The following SORCS3 variants were observed in gnomAD, a reference collection of about 807,000 sequenced individuals.
SORCS3 encodes the protein sortilin related VPS10 domain containing receptor 3.
SORCS3 carries 57 observed loss-of-function variants against 146.3 expected under a neutral mutation model. The ratio of observed to expected loss-of-function variants is 0.39; its 90% confidence interval spans 0.31 to 0.49. SORCS3 has a LOEUF of 0.49. SORCS3 is among the 20% of genes least tolerant of loss of function. The pLI, the probability that SORCS3 is intolerant of heterozygous loss-of-function variation, is 0.92. For synonymous variants in SORCS3, 653 were observed against 618.5 expected (o/e 1.06, Z -0.83); for missense variants, 1,341 against 1,575.5 (o/e 0.85, Z 2.52).
chr10:105,004,083 G>A lies in SORCS3; in HGVS notation c.954+26590G>A, dbSNP rs546414123. On this transcript the variant is annotated intron_variant, in intron 4 of 26. Transcript: ENST00000369701. The stretch of plus-strand genomic sequence containing the variant: ...TTCTCAGGTGTGATAAAAGTTCTCT[G>A]AGTTTTTGTTCCATTGATTTTTATG... Among the ~76,000 whole-genome samples the A allele has an allele frequency of 2.2e-4, 32 of 148,778 alleles. No individual in the cohort carries two copies. In the South Asian group the frequency reaches 5.5e-3, roughly 25 times the overall value.
chr10:104,831,575 A>G (rs2018001345), intron 1 of SORCS3, among the ~76,000 whole-genome samples: 1 of 152,216 alleles, frequency 6.6e-6, no homozygotes, highest in Admixed American at 6.5e-5. Context: ...TCCTCATGAC[A>G]GACAGCAAGA....
chr10:104,786,113 T>C lies in SORCS3; in HGVS notation c.628-56679T>C, dbSNP rs571622177. ...GGAGATTCACAACACAATGAATTAC[T>C]ACTTTCTTGTGTTTTGGCTCATTCA... On this transcript the variant is annotated intron_variant, in intron 1 of 26. Transcript: ENST00000369701. Among the ~76,000 whole-genome samples the C allele has an allele frequency of 1.8e-4, 27 of 152,354 alleles. No homozygotes were observed. The South Asian group carries it at 5.0e-3, about 28-fold the overall frequency.
At chr10:104,989,712 T>G (rs918019502) in intron 4 of SORCS3, among the ~76,000 whole-genome samples, 1 of 152,112 alleles carries the variant, frequency 6.6e-6, no homozygotes, top group Admixed American at 6.5e-5. Flanking sequence ...AGATGGGGAC[T>G]CCACAGAAGT....
chr10:105,242,496 ATATATTTAT>A (rs1277476548), intron 20 of SORCS3, among the ~76,000 whole-genome samples: 5 of 106,138 alleles, frequency 4.7e-5, no homozygotes, highest in African/African-American at 2.0e-4. Context: ...ATATATTTAT[ATATATTTAT>A]ATATATTTAT....
chr10:105,113,350 C>T (rs962731994), intron 7 of SORCS3, among the ~76,000 whole-genome samples: 2 of 152,120 alleles, frequency 1.3e-5, no homozygotes, highest in African/African-American at 4.8e-5. Context: ...AGATTATATA[C>T]AAATGTACAG....
At chr10:104,741,128 A>C (rs1321525131) in intron 1 of SORCS3, among the ~76,000 whole-genome samples, 1 of 133,680 alleles carries the variant, frequency 7.5e-6, no homozygotes, top group African/African-American at 2.8e-5. Flanking sequence ...CACCTGGATA[A>C]TTTAAATTTT....
chr10:105,243,909 C>G (rs2056851160), intron 20 of SORCS3, among the ~76,000 whole-genome samples: 1 of 152,210 alleles, frequency 6.6e-6, no homozygotes, highest in Admixed American at 6.5e-5. Context: ...CTGGGAGCCT[C>G]TGCAGGGTTT....
chr10:104,905,963 T>G (rs1268855387), intron 2 of SORCS3, among the ~76,000 whole-genome samples: 1 of 152,018 alleles, frequency 6.6e-6, no homozygotes, highest in African/African-American at 2.4e-5. Flanking sequence ...TAAAGATGAG[T>G]GGGACACAGA....
chr10:104,942,001 T>C (rs1360398109), intron 3 of SORCS3, among the ~76,000 whole-genome samples: 1 of 152,232 alleles, frequency 6.6e-6, no homozygotes, highest in East Asian at 1.9e-4. Context: ...TCCTGTGTAT[T>C]AAATTCTCAA....
chr10:104,849,518 A>G (rs2018247604), intron 2 of SORCS3, among the ~76,000 whole-genome samples: 1 of 151,834 alleles, frequency 6.6e-6, no homozygotes. Flanking sequence ...ATAGTGTTTA[A>G]AGGGGGTAGG....
intron 19 of SORCS3, among the ~76,000 whole-genome samples, chr10:105,219,555 C>G (rs1389315845): frequency 6.6e-6 from 1 of 152,198 alleles, no homozygotes; most frequent in Non-Finnish European, 1.5e-5. Context: ...AGATACCAGC[C>G]TGGGGCCAAC....
chr10:104,852,899 G>C (rs1339954084), intron 2 of SORCS3, among the ~76,000 whole-genome samples: 2 of 152,202 alleles, frequency 1.3e-5, no homozygotes, highest in South Asian at 4.1e-4. Flanking sequence ...TTCCACAAGA[G>C]AGTGGTCATG....
At chr10:104,955,073 G>T (rs932265881) in intron 3 of SORCS3, among the ~76,000 whole-genome samples, 65 of 152,038 alleles carry the variant, frequency 4.3e-4, no homozygotes, top group African/African-American at 1.4e-3. Context: ...CAATTTAGTG[G>T]CATTTAGTAC....
intron 2 of SORCS3, among the ~76,000 whole-genome samples, chr10:104,886,517 A>T (rs1485830874): frequency 6.6e-6 from 1 of 152,020 alleles, no homozygotes; most frequent in Admixed American, 6.6e-5. Flanking sequence ...TACATTACGT[A>T]AAATATATAC....
At chr10:105,091,396 C>T (rs867025239) in intron 6 of SORCS3, among the ~76,000 whole-genome samples, 6 of 36,686 alleles carry the variant, frequency 1.6e-4, no homozygotes, top group African/African-American at 3.6e-4. Flanking sequence ...CCTTCCTTCC[C>T]TCCTTCCTTC....
chr10:104,752,095 T>G (rs2016995190), intron 1 of SORCS3, among the ~76,000 whole-genome samples: 1 of 150,724 alleles, frequency 6.6e-6, no homozygotes, highest in Non-Finnish European at 1.5e-5. Flanking sequence ...GGTGCAGTGG[T>G]GCGATCTCAG....
chr10:105,245,559 C>G lies in SORCS3; in HGVS notation c.2886C>G (p.Asp962Glu), dbSNP rs1384533225. Reference sequence around the variant, plus strand: ...TCTTGTAGCCTCTCATCACTTTGGACAGCAGCATTTCCTTCACATTCCTTG... The same window carrying G: ...TCTTGTAGCCTCTCATCACTTTGGAGAGCAGCATTTCCTTCACATTCCTTG... ...GNSTKPLITL[D>E]SSISFTFLAE... Residue 962 changes from aspartate to glutamate, a missense_variant, in exon 21 of 27, where the codon GAC (aspartate) becomes GAG (glutamate). Transcript: ENST00000369701. 9 of 1,614,164 alleles carry G rather than the reference C, an allele frequency of 5.6e-6. No homozygotes were observed. In the East Asian group the frequency reaches 1.6e-4, roughly 28 times the overall value.
intron 1 of SORCS3, among the ~76,000 whole-genome samples, chr10:104,749,776 A>C: frequency 6.6e-6 from 1 of 152,168 alleles, no homozygotes; most frequent in Non-Finnish European, 1.5e-5. Context: ...TTGTTTAGTA[A>C]ATTATTTTTC....
chr10:104,722,389 ATTGAGGAT>A (rs924984354), intron 1 of SORCS3, among the ~76,000 whole-genome samples: 5 of 152,138 alleles, frequency 3.3e-5, no homozygotes, highest in Non-Finnish European at 5.9e-5. Context: ...CCAATATTTT[ATTGAGGAT>A]TTTTGCATCG....
Sources: gnomAD v4.1 joint callset for allele counts (sites outside exome capture counted in the v4.1 genomes callset) on GRCh38, gnomAD v4.1.1 for gene constraint, MANE v1.5 for transcripts, NCBI Gene and HGNC (gene_info 2026-07-23, HGNC 2026-07-21) for gene names.